The following TP63 variants were observed in gnomAD, a reference collection of about 807,000 sequenced individuals.
TP63 encodes the protein tumor protein 63.
TP63 carries 17 observed loss-of-function variants against 82.8 expected under a neutral mutation model. The ratio of observed to expected loss-of-function variants is 0.21; its 90% CI spans 0.14 to 0.31. The LOEUF (loss-of-function observed/expected upper bound fraction) is 0.31. TP63 is among the 10% of genes least tolerant of loss of function. TP63 has a pLI of 1.00. For synonymous variants in TP63, 330 were observed against 321.7 expected (o/e 1.03, Z -0.28); for missense variants, 648 against 895.3 (o/e 0.72, Z 3.52).
At chr3:189,657,010 A>T (rs1713432744) in intron 1 of TP63, among the ~76,000 whole-genome samples, 1 of 92,384 alleles carries the variant, frequency 1.1e-5, no homozygotes, top group Non-Finnish European at 2.4e-5. Flanking sequence ...AAAAAATATT[A>T]TGAAGCATGC....
chr3:189,652,996 T>C lies in TP63; in HGVS notation c.62+21419T>C, dbSNP rs769575281. Among the ~76,000 whole-genome samples the C allele has an allele frequency of 1.5e-4, 22 of 147,434 alleles. 3 individuals are homozygous for C. The highest frequency in any genetic ancestry group is 3.2e-3 in the Middle Eastern group (1 of 312). ...TATAAATTATTCAGTCTCAGGCATG[T>C]CTTTATTAACAGTGTGATAATGGAC... On this transcript the variant is annotated intron_variant, in intron 1 of 13. Transcript: ENST00000264731.
chr3:189,713,850 A>G (rs573028106), intron 1 of TP63, among the ~76,000 whole-genome samples: 1 of 150,114 alleles, frequency 6.7e-6, no homozygotes, highest in Non-Finnish European at 1.5e-5. Flanking sequence ...ATAATATAAT[A>G]AAATAAGTAG....
intron 1 of TP63, among the ~76,000 whole-genome samples, chr3:189,678,945 T>G (rs1715678172): frequency 6.8e-6 from 1 of 147,224 alleles, no homozygotes; most frequent in Admixed American, 6.6e-5. Flanking sequence ...TATTGTAAGT[T>G]GGTTTTGTAC....
In TP63 at chr3:189,706,410, C is replaced by G. The variant is rs145572045; in HGVS notation, c.63-31330C>G. 2.6e-5 allele frequency among the ~76,000 whole-genome samples: 4 copies of G among 152,178 alleles called. No homozygotes were observed. The East Asian group carries it at 7.7e-4, about 29-fold the overall frequency. The stretch of plus-strand genomic sequence containing the variant: ...TAGTGGGATTACAGGCACCCACCAC[C>G]ATGCCTGGCTCATTTTTGTATTTTT... On this transcript the variant is annotated intron_variant, in intron 1 of 13. Coordinates refer to ENST00000264731, the MANE Select transcript of TP63 (RefSeq NM_003722.5).
At chr3:189,658,262 T>C (rs1397046151) in intron 1 of TP63, among the ~76,000 whole-genome samples, 1 of 152,080 alleles carries the variant, frequency 6.6e-6, no homozygotes, top group African/African-American at 2.4e-5. Context: ...TCCACACTAA[T>C]ATGAATAAAT....
At chr3:189,851,550 G>A (rs11924745) in intron 4 of TP63, among the ~76,000 whole-genome samples, 1,785 of 152,274 alleles carry the variant, frequency 0.012, 46 homozygotes, top group African/African-American at 0.041. Context: ...ACTCCAGCCT[G>A]GGTGACAGAG....
At chr3:189,645,188 A>G (rs1282752289) in intron 1 of TP63, 2 of 230,394 alleles carry the variant, frequency 8.7e-6, no homozygotes, top group East Asian at 1.6e-4. Context: ...AGGGACTTCA[A>G]TTATTCCATG....
intron 4 of TP63, among the ~76,000 whole-genome samples, chr3:189,822,179 A>G (rs1728865190): frequency 6.6e-6 from 1 of 152,212 alleles, no homozygotes; most frequent in Non-Finnish European, 1.5e-5. Context: ...AGTGCCTAAA[A>G]CAATGCCTGT....
In TP63 at chr3:189,674,408, AT is replaced by A. The variant is rs544219170; in HGVS notation, c.62+42834del. ...CCAGACAGGAACTTTGGTCCTGGTA[AT>A]TTATTCAGGCGATGATCCAGGAAGC... On this transcript the variant is annotated intron_variant, in intron 1 of 13. Transcript: ENST00000264731. 1.1e-3 allele frequency among the ~76,000 whole-genome samples: 161 copies of A among 152,156 alleles called. 4 individuals carry two copies. In the South Asian group the frequency reaches 0.022, roughly 21 times the overall value.
chr3:189,689,104 CTTTTTTTTTTTT>C (rs776704674), intron 1 of TP63, among the ~76,000 whole-genome samples: 3 of 68,326 alleles, frequency 4.4e-5, no homozygotes, highest in African/African-American at 2.9e-4. Context: ...CTACCTTTTT[CTTTTTTTTTTTT>C]TTTTTTTTTT....
intron 13 of TP63, among the ~76,000 whole-genome samples, chr3:189,891,735 G>A (rs944179341): frequency 5.3e-5 from 8 of 152,192 alleles, no homozygotes; most frequent in African/African-American, 1.9e-4. Flanking sequence ...ACGGGAGCTA[G>A]TGTTGCTCTG....
At chr3:189,706,261 A>G (rs143720033) in intron 1 of TP63, among the ~76,000 whole-genome samples, 2,250 of 151,862 alleles carry the variant, frequency 0.015, 17 homozygotes, top group Middle Eastern at 0.034. Context: ...ATTTTATTTT[A>G]TTTTTTATTT....
intron 10 of TP63, chr3:189,879,998 T>A: frequency 6.3e-7 from 1 of 1,578,484 alleles, no homozygotes; most frequent in Non-Finnish European, 8.6e-7. Context: ...GTTTCTGAAT[T>A]CAATTGATTT....
chr3:189,795,000 T>G (rs1725550444), intron 3 of TP63, among the ~76,000 whole-genome samples: 1 of 152,088 alleles, frequency 6.6e-6, no homozygotes, highest in Non-Finnish European at 1.5e-5. Flanking sequence ...CTGGTCTTGG[T>G]TTGTCTTTAT....
intron 1 of TP63, among the ~76,000 whole-genome samples, chr3:189,691,231 C>T (rs1019636454): frequency 2.7e-5 from 4 of 146,900 alleles, no homozygotes; most frequent in East Asian, 4.2e-4. Context: ...CCCAGCTACT[C>T]GGGAGGCTGA....
chr3:189,724,417 C>T (rs1196851027), intron 1 of TP63, among the ~76,000 whole-genome samples: 1 of 152,064 alleles, frequency 6.6e-6, no homozygotes, highest in Non-Finnish European at 1.5e-5. Context: ...GATTCTGCTG[C>T]GCTCATCCCC....
intron 3 of TP63, among the ~76,000 whole-genome samples, chr3:189,777,591 C>G (rs1171563239): frequency 6.6e-6 from 1 of 151,264 alleles, no homozygotes; most frequent in African/African-American, 2.4e-5. Flanking sequence ...TCCTCTTCCT[C>G]TTCTATTTCC....
At chr3:189,689,211 G>A (rs1346808184) in intron 1 of TP63, among the ~76,000 whole-genome samples, 1 of 141,300 alleles carries the variant, frequency 7.1e-6, no homozygotes, top group African/African-American at 2.6e-5. Flanking sequence ...CGTTTCCCAG[G>A]TTCAAGCGAT....
chr3:189,688,641 G>T (rs1207624244), intron 1 of TP63, among the ~76,000 whole-genome samples: 1 of 152,118 alleles, frequency 6.6e-6, no homozygotes, highest in African/African-American at 2.4e-5. Flanking sequence ...GGGGTTTATG[G>T]CCAGAAAGAT....
Sources: gnomAD v4.1 joint callset for allele counts (sites outside exome capture counted in the v4.1 genomes callset) on GRCh38, gnomAD v4.1.1 for gene constraint, MANE v1.5 for transcripts, NCBI Gene and HGNC (gene_info 2026-07-23, HGNC 2026-07-21) for gene names.